Variants in PCDHA4 observed in about 807,000 individuals in gnomAD.
PCDHA4 encodes the protein protocadherin alpha-4.
In PCDHA4, 49 loss-of-function variants were observed where a neutral mutation model predicts 61.4. The ratio of observed to expected loss-of-function variants is 0.80; its 90% confidence interval spans 0.63 to 1.01. The LOEUF is 1.01. PCDHA4 is among the 50% of genes least tolerant of loss of function. The probability of loss-of-function intolerance (pLI) is 0.00; values close to 1 mark genes in which losing one functional copy is unlikely to be tolerated. For synonymous variants in PCDHA4, 590 were observed against 550.3 expected, an observed-to-expected ratio of 1.07 and a Z score of -1.01; for missense variants, 1,254 against 1,235.8, an observed-to-expected ratio of 1.01 and a Z score of -0.22.
chr5:140,995,812 G>A (rs2097699173), intron 3 of PCDHA4, among the ~76,000 whole-genome samples: 1 of 152,202 alleles, frequency 6.6e-6, no homozygotes, highest in Non-Finnish European at 1.5e-5. Flanking sequence ...TTTCTGAAGG[G>A]AGATAGCCTG....
chr5:140,882,352 T>A, intron 1 of PCDHA4: 1 of 1,614,166 alleles, frequency 6.2e-7, no homozygotes, highest in Non-Finnish European at 8.5e-7. Context: ...AGACGGGTAG[T>A]GGCCAGCTCC....
chr5:140,920,728 C>T (rs781955762), intron 1 of PCDHA4, among the ~76,000 whole-genome samples: 8 of 151,974 alleles, frequency 5.3e-5, no homozygotes, highest in Non-Finnish European at 1.0e-4. Context: ...CCTGCAGTCC[C>T]AGCTACTCAG....
chr5:140,871,176 G>A (rs782559553), intron 1 of PCDHA4: 12 of 1,613,416 alleles, frequency 7.4e-6, no homozygotes, highest in Non-Finnish European at 1.0e-5. Flanking sequence ...CAGAGGCTGC[G>A]CTGGTGGATG....
chr5:140,879,002 AG>A (rs1278268880), intron 1 of PCDHA4, among the ~76,000 whole-genome samples: 2 of 152,270 alleles, frequency 1.3e-5, no homozygotes, highest in African/African-American at 4.8e-5. Context: ...AGTATGCCCT[AG>A]AAATCAGATA....
chr5:141,010,612 A>C lies in PCDHA4; in HGVS notation c.*675A>C. Reference sequence around the variant, plus strand: ...GTTGGCTGTGACGTCATTATACCTAAAATCTGCATCATACCTGCAAGCCAA... The same window carrying C: ...GTTGGCTGTGACGTCATTATACCTACAATCTGCATCATACCTGCAAGCCAA... On this transcript the variant is annotated 3_prime_UTR_variant, in exon 4 of 4. Transcript: ENST00000530339. 1 of 196,976 alleles carries C rather than the reference A, an allele frequency of 5.1e-6. No individual in the cohort carries two copies. The highest frequency in any genetic ancestry group is 1.0e-5 in the Non-Finnish European group (1 of 95,484). 12.2% of individuals were successfully genotyped at this position (196,976 alleles called of 1,614,324 possible). A position where few individuals can be genotyped will look rare whatever the true frequency, so the allele number is the denominator to read the frequency against.
intron 1 of PCDHA4, chr5:140,823,086 C>A (rs377181493): frequency 1.2e-6 from 2 of 1,613,884 alleles, no homozygotes; most frequent in African/African-American, 2.7e-5. Context: ...TGTGGGCCAC[C>A]GCCAGCGTGT....
At chr5:140,945,527 C>A (rs1268496424) in intron 1 of PCDHA4, among the ~76,000 whole-genome samples, 2 of 151,828 alleles carry the variant, frequency 1.3e-5, no homozygotes, top group African/African-American at 4.8e-5. Context: ...ATAAATAAAA[C>A]AAAACATACA....
In PCDHA4 at chr5:140,979,814, T is replaced by C. The variant is rs1296773498; in HGVS notation, c.2444+807T>C. 3.3e-5 allele frequency among the ~76,000 whole-genome samples: 5 copies of C among 152,232 alleles called. No homozygotes were observed. The South Asian group carries it at 8.3e-4, about 25-fold the overall frequency. On this transcript the variant is annotated intron_variant, in intron 2 of 3. Transcript: ENST00000530339. The stretch of plus-strand genomic sequence containing the variant: ...CAAATGATCACAACTATCAAAAGGA[T>C]TTAATTTTAAAGAAGAAATAATCTT...
At chr5:140,821,893 C>T in intron 1 of PCDHA4, 1 of 1,614,248 alleles carries the variant, frequency 6.2e-7, no homozygotes, top group Non-Finnish European at 8.5e-7. Flanking sequence ...GGAAGCCAAA[C>T]ACGGAACCTT....
intron 1 of PCDHA4, chr5:140,856,891 C>A: frequency 6.3e-7 from 1 of 1,596,046 alleles, no homozygotes; most frequent in Non-Finnish European, 8.6e-7. Flanking sequence ...ATTCATTTAG[C>A]TCTTTGGTCC....
rs146492633 is a variant in PCDHA4 at position 140,900,696 on chromosome 5, G to A, written c.2386-78253G>A. Among the ~76,000 whole-genome samples the A allele has an allele frequency of 2.2e-4, 33 of 152,256 alleles. No homozygotes were observed. The East Asian group carries it at 5.8e-3, about 27-fold the overall frequency. ...TTATCTCTTCAATATACTGATTTCC[G>A]TTCTTTTGGAAAGAAAGGAAATCCT... is the stretch of plus-strand genomic sequence containing the variant. On this transcript the variant is annotated intron_variant, in intron 1 of 3. Transcript: ENST00000530339.
At chr5:140,978,473 T>C (rs1401475037) in intron 1 of PCDHA4, among the ~76,000 whole-genome samples, 1 of 152,238 alleles carries the variant, frequency 6.6e-6, no homozygotes, top group Non-Finnish European at 1.5e-5. Flanking sequence ...TCAAATATGC[T>C]GCAGTCTGCA....
intron 1 of PCDHA4, among the ~76,000 whole-genome samples, chr5:140,924,441 G>A (rs144532137): frequency 1.3e-5 from 2 of 152,274 alleles, no homozygotes; most frequent in African/African-American, 4.8e-5. Context: ...AAGAGATAAC[G>A]AATGGGTTTG....
intron 1 of PCDHA4, chr5:140,828,951 C>T: frequency 1.9e-6 from 3 of 1,614,200 alleles, no homozygotes; most frequent in South Asian, 1.1e-5. Context: ...CTTGTTGCAG[C>T]CATGGTTATT....
chr5:140,862,608 A>G (rs565248341), intron 1 of PCDHA4: 1 of 519,626 alleles, frequency 1.9e-6, no homozygotes, highest in East Asian at 5.2e-5. Flanking sequence ...TGTTCGTGAA[A>G]GGTAACAACC....
intron 1 of PCDHA4, chr5:140,821,814 C>A (rs139136006): frequency 5.7e-5 from 92 of 1,613,758 alleles, no homozygotes; most frequent in Non-Finnish European, 7.6e-5. Flanking sequence ...GATCCCGGCT[C>A]CTGCTGCTCT....
intron 1 of PCDHA4, chr5:140,841,677 T>A (rs2150320586): frequency 5.6e-6 from 9 of 1,614,014 alleles, no homozygotes; most frequent in Non-Finnish European, 7.6e-6. Flanking sequence ...GTTTTCCATG[T>A]GGACGTGGAG....
At chr5:140,917,327 G>T (rs1219338384) in intron 1 of PCDHA4, among the ~76,000 whole-genome samples, 1 of 149,420 alleles carries the variant, frequency 6.7e-6, no homozygotes, top group Non-Finnish European at 1.5e-5. Context: ...CATGTGGCGG[G>T]GGAGGGGGGG....
chr5:140,889,720 T>C (rs1259294888), intron 1 of PCDHA4, among the ~76,000 whole-genome samples: 1 of 152,240 alleles, frequency 6.6e-6, no homozygotes, highest in African/African-American at 2.4e-5. Context: ...TCTTTGCTAC[T>C]GTCTCACTGA....
Sources: allele counts gnomAD v4.1 joint callset (sites outside exome capture counted in the v4.1 genomes callset), GRCh38; gene constraint gnomAD v4.1.1; transcripts MANE v1.5; gene names NCBI Gene and HGNC (gene_info 2026-07-23, HGNC 2026-07-21).